The following TRPV1 variants were observed in gnomAD, a reference collection of about 807,000 sequenced individuals.
TRPV1 encodes the protein transient receptor potential cation channel subfamily V member 1.
TRPV1 carries 82 observed loss-of-function variants against 82.3 expected under a neutral mutation model. The observed-to-expected ratio is 1.00, with a 90% CI of 0.83 to 1.20. The LOEUF is 1.20. TRPV1 is among the 50% of genes most tolerant of loss of function. The probability of loss-of-function intolerance (pLI) is 0.00; values close to 1 mark genes in which losing one functional copy is unlikely to be tolerated. For synonymous variants in TRPV1, 515 were observed against 467.7 expected (o/e 1.10, Z -1.30); for missense variants, 1,067 against 1,096.8 (o/e 0.97, Z 0.38).
chr17:3,585,729 C>T (rs1191102548), intron 9 of TRPV1, 39 bp downstream of exon 9: 1 of 1,596,856 alleles, frequency 6.3e-7, no homozygotes, highest in South Asian at 1.1e-5. Context: ...TCCCCACCAC[C>T]CACACCCTCG....
rs750502917 is a variant in TRPV1, at chr17:3,589,962, C to T, written c.889G>A (p.Asp297Asn). 48 of 1,563,498 alleles carry T rather than the reference C, an allele frequency of 3.1e-5. No homozygotes were observed. The highest frequency in any genetic ancestry group is 1.7e-4 in the Middle Eastern group (1 of 6,026). Residue 297 changes from aspartate to asparagine, a missense_variant, in exon 7 of 17, where the codon GAC becomes AAC. Coordinates refer to ENST00000572705, the MANE Select transcript of TRPV1 (RefSeq NM_080704.4). ...AACTTCGTGTTGTCGGCCGTGTTGT[C>T]GGCCACCTCCACCAGGGCGTGCAGC... ...TVLHALVEVADNTADNTKFVT... is the reference protein window; with the variant it reads ...TVLHALVEVANNTADNTKFVT...
chr17:3,587,153 C>T (rs771434817), intron 8 of TRPV1, among the ~76,000 whole-genome samples: 1 of 152,188 alleles, frequency 6.6e-6, no homozygotes, highest in Non-Finnish European at 1.5e-5. Context: ...TACTGCAGTC[C>T]TTGTTGAGGC....
chr17:3,568,306 A>T (rs2074802797), intron 16 of TRPV1, among the ~76,000 whole-genome samples: 2 of 149,658 alleles, frequency 1.3e-5, no homozygotes, highest in South Asian at 2.1e-4. Flanking sequence ...TGGGTGACAG[A>T]GCCAGACTCC....
intron 16 of TRPV1, among the ~76,000 whole-genome samples, chr17:3,568,660 C>T (rs934403625): frequency 8.5e-5 from 13 of 152,084 alleles, no homozygotes; most frequent in African/African-American, 3.1e-4. Context: ...AGGCAGCAAA[C>T]GTTTTTCAGA....
chr17:3,573,959 C>T lies in TRPV1; in HGVS notation c.1781-4G>A. 2.5e-6 allele frequency: 4 copies of T among 1,591,578 alleles called. No homozygotes were observed. The East Asian group carries it at 6.7e-5, about 27-fold the overall frequency. ...TCTTCAATCAGCGTCACCACCGCTA[C>T]AGGGCACAGGGAGGGCGGGGTGCCA... On this transcript the variant is annotated splice_region_variant and splice_polypyrimidine_tract_variant and intron_variant, in intron 13 of 16. Coordinates refer to ENST00000572705, the MANE Select transcript of TRPV1 (RefSeq NM_080704.4).
At chr17:3,591,656 G>A (rs1449980446) in intron 3 of TRPV1, among the ~76,000 whole-genome samples, 1 of 152,146 alleles carries the variant, frequency 6.6e-6, no homozygotes, top group Admixed American at 6.5e-5. Flanking sequence ...AGCCTGGTGG[G>A]GACGGAGGGA....
chr17:3,577,403 G>T (rs977576629), intron 12 of TRPV1, among the ~76,000 whole-genome samples, 195 bp downstream of exon 12: 1 of 152,164 alleles, frequency 6.6e-6, no homozygotes, highest in South Asian at 2.1e-4. Context: ...GTGCAGGGGG[G>T]GTCAGGTTTC....
Position 3,577,599 on chromosome 17 carries a change from T to G in TRPV1, c.1712A>C (p.Lys571Thr), listed in dbSNP as rs761312391. 7 of 1,573,442 alleles carry G rather than the reference T, an allele frequency of 4.4e-6. No homozygotes were observed. Among genetic ancestry groups the G allele is most frequent in the Non-Finnish European group, 6.0e-6 (7 of 1,159,688 alleles). ...CCCACTGGGGCCCAGGGAACCCACC[T>G]TCTCTATCATGACGGCATAGATGCC... ...QMGIYAVMIE[K>T]MILRDLCRFM... Residue 571 changes from lysine (K) to threonine (T), a missense_variant and splice_region_variant, in exon 12 of 17, where the codon AAG (lysine) becomes ACG (threonine). Lys to Thr is a moderately conservative substitution (Grantham distance 78). Coordinates refer to ENST00000572705, the MANE Select transcript of TRPV1 (RefSeq NM_080704.4).
chr17:3,601,064 A>C, intron 2 of TRPV1, among the ~76,000 whole-genome samples: 1 of 150,972 alleles, frequency 6.6e-6, no homozygotes, highest in African/African-American at 2.4e-5. Flanking sequence ...TGTTCCCTCC[A>C]CATTCACTCC....
intron 7 of TRPV1, chr17:3,588,859 T>C: frequency 7.0e-7 from 1 of 1,438,554 alleles, no homozygotes; most frequent in Non-Finnish European, 9.3e-7. Flanking sequence ...ACCAGCCAGC[T>C]GCCTCAGATA....
rs1296279640 is a variant in TRPV1 at position 3,566,784 on chromosome 17, C to T, written c.*31G>A. On this transcript the variant is annotated 3_prime_UTR_variant, in exon 17 of 17. Transcript: ENST00000572705. ...CGTGGCAACGGGGTCTCCTAAGGCC[C>T]AGTGTTGACAGTGCTGTCTGCGTGA... 4 of 1,608,240 alleles carry T rather than the reference C, an allele frequency of 2.5e-6. No individual in the cohort carries two copies. The highest frequency in any genetic ancestry group is 1.7e-6 in the Non-Finnish European group (2 of 1,176,972).
In TRPV1 at chr17:3,583,424, A is replaced by T; in HGVS notation, c.1390T>A (p.Phe464Ile). 1 of 1,601,362 alleles carries T rather than the reference A, an allele frequency of 6.2e-7. No individual in the cohort carries two copies. The highest frequency in any genetic ancestry group is 8.5e-7 in the Non-Finnish European group (1 of 1,173,732). The change falls in exon 10 of 17, where the codon TTT becomes ATT. Residue 464 changes from phenylalanine (F) to isoleucine (I), a missense_variant. Transcript: ENST00000572705. The part of the protein sequence containing the change: ...YYRPVDGLPP[F>I]KMEKTGDYFR... ...TAGTCTCCAGTTTTTTCCATCTTAAAGGGAGGCTGTGAGATGCAGAGAAGT... is the reference window on the plus strand; with the variant it reads ...TAGTCTCCAGTTTTTTCCATCTTAATGGGAGGCTGTGAGATGCAGAGAAGT...
Position 3,585,748 on chromosome 17 carries a change from G to A in TRPV1, c.1383+20C>T. On this transcript the variant is annotated intron_variant, in intron 9 of 16. Transcript: ENST00000572705. ...CACCACCCACACCCTCGCCCACGAGGCCTGAGCCTCTGGCCGCACCAAGCC... is the reference window on the plus strand; with the variant it reads ...CACCACCCACACCCTCGCCCACGAGACCTGAGCCTCTGGCCGCACCAAGCC... 3 of 1,609,588 alleles carry A rather than the reference G, an allele frequency of 1.9e-6. No individual in the cohort carries two copies. The highest frequency in any genetic ancestry group is 2.5e-6 in the Non-Finnish European group (3 of 1,177,674).
intron 2 of TRPV1, among the ~76,000 whole-genome samples, chr17:3,606,042 T>G (rs1175604632): frequency 1.3e-5 from 2 of 152,158 alleles, no homozygotes; most frequent in African/African-American, 2.4e-5. Context: ...CACTGCAACC[T>G]CCGCCTTCCA....
At chr17:3,580,642 C>G (rs926262188) in intron 10 of TRPV1, 115 bp from the exon 11 acceptor site, 1 of 1,116,118 alleles carries the variant, frequency 9.0e-7, no homozygotes, top group Non-Finnish European at 1.4e-6. Context: ...TGTGAAAGCA[C>G]AGATTGTGAA....
At chr17:3,577,818 C>A (rs2074955249) in intron 11 of TRPV1, 55 bp from the exon 12 acceptor site, 1 of 1,532,300 alleles carries the variant, frequency 6.5e-7, no homozygotes, top group Non-Finnish European at 8.8e-7. Flanking sequence ...GGCCTGGCAC[C>A]CCCAGAACAA....
At chr17:3,586,748 G>A (rs551201605) in intron 8 of TRPV1, among the ~76,000 whole-genome samples, 1 of 152,124 alleles carries the variant, frequency 6.6e-6, no homozygotes, top group South Asian at 2.1e-4. Context: ...CTCCAACCTG[G>A]GTGACAGAGC....
chr17:3,598,216 G>C (rs1257362894), intron 2 of TRPV1, among the ~76,000 whole-genome samples: 2 of 152,236 alleles, frequency 1.3e-5, no homozygotes, highest in African/African-American at 4.8e-5. Flanking sequence ...CCGTAGGGCA[G>C]GTCCAGCCTG....
intron 2 of TRPV1, among the ~76,000 whole-genome samples, chr17:3,603,380 G>C (rs2075277641): frequency 6.6e-6 from 1 of 152,176 alleles, no homozygotes; most frequent in African/African-American, 2.4e-5. Flanking sequence ...CTGGGAACAA[G>C]AGGGACGAGG....
Sources: allele counts gnomAD v4.1 joint callset (sites outside exome capture counted in the v4.1 genomes callset), GRCh38; gene constraint gnomAD v4.1.1; transcripts MANE v1.5; gene names NCBI Gene and HGNC (gene_info 2026-07-23, HGNC 2026-07-21).